Variants in NPSR1 observed in about 807,000 individuals in gnomAD.
The protein encoded by NPSR1 is neuropeptide S receptor.
In NPSR1, 48 loss-of-function variants were observed where a neutral mutation model predicts 46.9. That is an observed-to-expected ratio of 1.02 (90% confidence interval 0.81 to 1.30). The LOEUF (loss-of-function observed/expected upper bound fraction) is 1.30, where lower values mean the gene tolerates loss of function less well. Among genes scored for constraint, NPSR1 ranks in the 50% most tolerant of loss-of-function variants. The pLI is 0.00. For missense variants in NPSR1, 450 were observed against 449.5 expected (o/e 1.00, Z -0.01); for synonymous variants, 176 against 168.1 (o/e 1.05, Z -0.36).
chr7:34,773,483 T>C (rs1410105021), intron 2 of NPSR1, among the ~76,000 whole-genome samples: 3 of 152,108 alleles, frequency 2.0e-5, no homozygotes, highest in Non-Finnish European at 4.4e-5. Context: ...TGACTATGAC[T>C]CAGAGATCAG....
intron 2 of NPSR1, among the ~76,000 whole-genome samples, chr7:34,721,776 A>C (rs909170121): frequency 4.6e-5 from 7 of 152,214 alleles, no homozygotes; most frequent in Non-Finnish European, 1.0e-4. Flanking sequence ...AACAGTTTTT[A>C]AAAAGATGAC....
chr7:34,758,322 G>A (rs1352159077), intron 2 of NPSR1: 1 of 152,130 alleles, frequency 6.6e-6, no homozygotes, highest in Non-Finnish European at 1.5e-5. Flanking sequence ...ACAGATGTAA[G>A]CCCACTTGCT....
intron 2 of NPSR1, among the ~76,000 whole-genome samples, chr7:34,747,236 T>A (rs970563091): frequency 8.6e-5 from 13 of 150,752 alleles, no homozygotes; most frequent in African/African-American, 3.2e-4. Flanking sequence ...TTGGAGAACA[T>A]CACAAGCAAG....
chr7:34,786,431 C>A (rs542902601), intron 3 of NPSR1, among the ~76,000 whole-genome samples: 49 of 152,206 alleles, frequency 3.2e-4, no homozygotes, highest in African/African-American at 1.1e-3. Context: ...AATCTTGAAC[C>A]CATCAAAGTC....
intron 2 of NPSR1, among the ~76,000 whole-genome samples, chr7:34,742,884 G>C (rs62462882): frequency 0.13 from 19,094 of 152,182 alleles, 1,473 homozygotes; most frequent in Non-Finnish European, 0.17. Flanking sequence ...CTGTGATTTT[G>C]ATTTGTATTT....
chr7:34,662,368 C>G (rs1481770390), intron 1 of NPSR1, among the ~76,000 whole-genome samples: 1 of 151,704 alleles, frequency 6.6e-6, no homozygotes, highest in African/African-American at 2.4e-5. Flanking sequence ...CACACTCTTC[C>G]TCCATTAATA....
chr7:34,753,645 G>A (rs1456209693), intron 2 of NPSR1: 1 of 152,164 alleles, frequency 6.6e-6, no homozygotes, highest in African/African-American at 2.4e-5. Flanking sequence ...AAATTCCCAT[G>A]CTGATCAGCA....
intron 5 of NPSR1, among the ~76,000 whole-genome samples, chr7:34,832,326 G>T (rs1479418643): frequency 6.6e-6 from 1 of 152,182 alleles, no homozygotes; most frequent in African/African-American, 2.4e-5. Context: ...TTGGGCCCGG[G>T]AGTTCAAGAC....
At chr7:34,705,843 A>C (rs1257459484) in intron 2 of NPSR1, among the ~76,000 whole-genome samples, 1 of 151,864 alleles carries the variant, frequency 6.6e-6, no homozygotes, top group Non-Finnish European at 1.5e-5. Flanking sequence ...TCTATATTTG[A>C]GTGTTTCAAT....
intron 3 of NPSR1, among the ~76,000 whole-genome samples, chr7:34,805,580 T>C (rs1316127316): frequency 2.6e-5 from 4 of 151,280 alleles, no homozygotes; most frequent in Non-Finnish European, 3.0e-5. Flanking sequence ...AATACTATTA[T>C]ATAAAACGAC....
chr7:34,829,984 T>C (rs1243998536), intron 5 of NPSR1, among the ~76,000 whole-genome samples: 1 of 152,126 alleles, frequency 6.6e-6, no homozygotes, highest in Non-Finnish European at 1.5e-5. Context: ...TCCATCACCT[T>C]CCCTCTTTCG....
intron 1 of NPSR1, among the ~76,000 whole-genome samples, chr7:34,666,757 A>G (rs142308260): frequency 6.4e-4 from 97 of 152,310 alleles, no homozygotes; most frequent in African/African-American, 2.2e-3. Flanking sequence ...TCAAGCAGAC[A>G]TTGCATTATT....
intron 2 of NPSR1, among the ~76,000 whole-genome samples, chr7:34,767,938 A>G (rs1220503657): frequency 6.6e-6 from 1 of 152,176 alleles, no homozygotes; most frequent in African/African-American, 2.4e-5. Flanking sequence ...AATAAGTTCT[A>G]GTGTTCCATA....
chr7:34,662,253 A>T (rs958760735), intron 1 of NPSR1, among the ~76,000 whole-genome samples: 8 of 152,196 alleles, frequency 5.3e-5, no homozygotes, highest in Non-Finnish European at 1.2e-4. Flanking sequence ...TCTATTGTTT[A>T]TATGTAAATG....
intron 6 of NPSR1, among the ~76,000 whole-genome samples, chr7:34,834,674 T>A (rs1307777172): frequency 6.6e-6 from 1 of 152,182 alleles, no homozygotes; most frequent in African/African-American, 2.4e-5. Flanking sequence ...AAGGGGGCAC[T>A]TTGGACCTGG....
chr7:34,816,013 G>A (rs977581645), intron 4 of NPSR1, among the ~76,000 whole-genome samples: 5 of 152,048 alleles, frequency 3.3e-5, no homozygotes, highest in African/African-American at 4.8e-5. Context: ...ATCAACTAAC[G>A]GGCAAAATAA....
chr7:34,760,957 C>T (rs1786143055), intron 2 of NPSR1, among the ~76,000 whole-genome samples: 1 of 152,174 alleles, frequency 6.6e-6, no homozygotes, highest in Non-Finnish European at 1.5e-5. Flanking sequence ...TAGCAGTCAT[C>T]ATCACGTAGT....
At chr7:34,704,901 C>T (rs1260693095) in intron 2 of NPSR1, among the ~76,000 whole-genome samples, 1 of 152,146 alleles carries the variant, frequency 6.6e-6, no homozygotes, top group Non-Finnish European at 1.5e-5. Context: ...GGGCTAATTG[C>T]TATGGTGGTA....
chr7:34,796,006 T>C (rs199999686), intron 3 of NPSR1, among the ~76,000 whole-genome samples: 1 of 152,162 alleles, frequency 6.6e-6, no homozygotes, highest in East Asian at 1.9e-4. Context: ...CAATATTTAC[T>C]ATAAAGCTAT....
Sources: gnomAD v4.1 joint callset for allele counts (sites outside exome capture counted in the v4.1 genomes callset) on GRCh38, gnomAD v4.1.1 for gene constraint, MANE v1.5 for transcripts, NCBI Gene and HGNC (gene_info 2026-07-23, HGNC 2026-07-21) for gene names.